FSCN2: variants seen among roughly 807,000 people sequenced by gnomAD.
FSCN2 encodes the protein fascin-2.
A neutral mutation model predicts 37.8 loss-of-function variants in FSCN2; 46 were observed. The observed-to-expected ratio is 1.22, with a 90% CI of 0.96 to 1.56. FSCN2 has a LOEUF of 1.56. Among genes scored for constraint, FSCN2 ranks in the 40% most tolerant of loss-of-function variants. FSCN2 has a pLI of 0.00. For synonymous variants in FSCN2, 351 were observed against 309.4 expected (o/e 1.13, Z -1.41); for missense variants, 844 against 730.4 (o/e 1.16, Z -1.79).
At chr17:81,518,388 TGTACCTGGCATAGC>T in the FSCN2 span, among the ~76,000 whole-genome samples, 4 of 151,910 alleles carry the variant, frequency 2.6e-5, no homozygotes, top group African/African-American at 9.7e-5. Flanking sequence ...GCATAGCCCC[TGTACCTGGCATAGC>T]ACCTGCCCAG....
intron 1 of FSCN2, among the ~76,000 whole-genome samples, chr17:81,531,657 ATGG>A (rs1284605466): frequency 1.3e-4 from 15 of 113,146 alleles, no homozygotes; most frequent in African/African-American, 3.9e-4. Flanking sequence ...GATGATAGTG[ATGG>A]TGATGATGAT....
chr17:81,528,686 C>T lies in FSCN2; in HGVS notation c.155C>T (p.Pro52Leu). The change falls in exon 1 of 5, where the codon CCA becomes CTA. Residue 52 changes from proline to leucine, a missense_variant. Pro to Leu is a moderately conservative substitution (Grantham distance 98). Transcript: ENST00000417245. ...CAGACCTGGGTGCTGGAACCCGACC[C>T]AGGACAAGGCACGGCTGTGCTGCTC... ...RKQTWVLEPD[P>L]GQGTAVLLRS... 6.2e-7 allele frequency: 1 copy of T among 1,601,892 alleles called. No homozygotes were observed. The highest frequency in any genetic ancestry group is 8.5e-7 in the Non-Finnish European group (1 of 1,175,086).
At chr17:81,524,164 G>T (rs978539700), upstream of FSCN2, among the ~76,000 whole-genome samples, 1 of 152,232 alleles carries the variant, frequency 6.6e-6, no homozygotes, top group Non-Finnish European at 1.5e-5. Context: ...ACCAGGTGCC[G>T]GTGGGGGCGC....
the FSCN2 span, among the ~76,000 whole-genome samples, chr17:81,515,484 T>C: frequency 6.6e-6 from 1 of 152,256 alleles, no homozygotes; most frequent in Non-Finnish European, 1.5e-5. Context: ...TCTAGTTCAG[T>C]GCTGGTTTTG....
At chr17:81,534,706 A>G (rs2032793636) in intron 1 of FSCN2, among the ~76,000 whole-genome samples, 1 of 151,796 alleles carries the variant, frequency 6.6e-6, no homozygotes, top group South Asian at 2.1e-4. Flanking sequence ...AGTTATAAAT[A>G]GAGGCTGGGG....
At chr17:81,531,279 GTGATGGTGA>G (rs2032556307) in intron 1 of FSCN2, among the ~76,000 whole-genome samples, 3 of 55,356 alleles carry the variant, frequency 5.4e-5, no homozygotes, top group African/African-American at 2.7e-4. Context: ...GATGGCGGTG[GTGATGGTGA>G]TGGTGGTGAT....
chr17:81,531,336 A>ATGATGG (rs2032567446), intron 1 of FSCN2, among the ~76,000 whole-genome samples: 5 of 45,424 alleles, frequency 1.1e-4, no homozygotes, highest in Non-Finnish European at 2.4e-4. Context: ...GGTGGTGGTG[A>ATGATGG]TGGTGGTGGT....
chr17:81,530,580 G>A (rs2032517565), intron 1 of FSCN2: 1 of 513,546 alleles, frequency 1.9e-6, no homozygotes, highest in Non-Finnish European at 3.9e-6. Flanking sequence ...CCCAACTCAG[G>A]TCCTTCCAGA....
At chr17:81,528,140 G>A (rs1291439501), upstream of FSCN2, among the ~76,000 whole-genome samples, 2 of 152,204 alleles carry the variant, frequency 1.3e-5, no homozygotes, top group Non-Finnish European at 2.9e-5. Context: ...GTGCAGGGCC[G>A]TGAAGAGGGG....
rs782188805 is a variant in FSCN2, at chr17:81,529,070, G to A, written c.539G>A (p.Arg180Gln). The part of the protein sequence containing the change: ...GVDALLTLIF[R>Q]SRRYCLKSCD... ...GACGCCCTCCTCACCCTCATCTTCC[G>A]GAGCCGACGGTACTGCCTCAAGTCC... The change falls in exon 1 of 5, where the codon CGG (arginine) becomes CAG (glutamine). Residue 180 changes from arginine (R) to glutamine (Q), a missense_variant. By Grantham distance (43) the Arg-to-Gln change is conservative. Coordinates refer to ENST00000417245, the MANE Select transcript of FSCN2 (RefSeq NM_012418.4). The A allele has an allele frequency of 2.5e-5, 40 of 1,590,908 alleles. No homozygotes were observed. The East Asian group carries it at 2.7e-4, about 11-fold the overall frequency.
At chr17:81,524,772 C>T (rs1478627805), upstream of FSCN2, among the ~76,000 whole-genome samples, 3 of 152,066 alleles carry the variant, frequency 2.0e-5, no homozygotes, top group African/African-American at 7.2e-5. Flanking sequence ...CCTGGGCTCC[C>T]TGCTGGGCAG....
chr17:81,531,061 G>A (rs1224095890), intron 1 of FSCN2, among the ~76,000 whole-genome samples: 10 of 152,214 alleles, frequency 6.6e-5, no homozygotes, highest in Non-Finnish European at 1.0e-4. Context: ...AGTCATGGCC[G>A]TGGCCGTGGC....
chr17:81,525,425 C>CAAAAAAAAAAAAAAAAAA (rs1202765459), upstream of FSCN2, among the ~76,000 whole-genome samples: 674 of 47,638 alleles, frequency 0.014, 51 homozygotes, highest in African/African-American at 0.023. Flanking sequence ...GACTCTGTCT[C>CAAAAAAAAAAAAAAAAAA]AAAAAAAAAA....
At chr17:81,536,106 C>T (rs1306933340) in intron 2 of FSCN2, 40 bp from the exon 3 acceptor site, 5 of 1,594,788 alleles carry the variant, frequency 3.1e-6, no homozygotes, top group African/African-American at 1.3e-5. Flanking sequence ...GCACCCCCAT[C>T]TCCTGCTGTC....
chr17:81,518,146 A>T, the FSCN2 span, among the ~76,000 whole-genome samples: 2,088 of 150,624 alleles, frequency 0.014, 54 homozygotes, highest in African/African-American at 0.048. Context: ...CTGTCCCTCC[A>T]CTCCTTCAGC....
the FSCN2 span, among the ~76,000 whole-genome samples, chr17:81,522,294 T>C: frequency 6.6e-6 from 1 of 152,146 alleles, no homozygotes; most frequent in Non-Finnish European, 1.5e-5. Flanking sequence ...CCGGCCAAAC[T>C]ATCATACTTT....
intron 1 of FSCN2, among the ~76,000 whole-genome samples, chr17:81,529,795 A>G (rs1377509391): frequency 6.6e-6 from 1 of 151,992 alleles, no homozygotes; most frequent in Admixed American, 6.5e-5. Context: ...TCTCCACCCC[A>G]TTTTCTGGAC....
chr17:81,528,514 G>T lies in FSCN2; in HGVS notation c.-18G>T, dbSNP rs782108628. 6.4e-7 allele frequency: 1 copy of T among 1,564,654 alleles called. No individual in the cohort carries two copies. The highest frequency in any genetic ancestry group is 1.4e-5 in the African/African-American group (1 of 73,824). On this transcript the variant is annotated 5_prime_UTR_variant, in exon 1 of 5. Transcript: ENST00000417245. ...AGGGCGCATCCCAGGCCCCTCCGGGGACCCGGCCAGCCTGAAGATGCCGAC... is the reference window on the plus strand; with the variant it reads ...AGGGCGCATCCCAGGCCCCTCCGGGTACCCGGCCAGCCTGAAGATGCCGAC...
chr17:81,518,253 ACTC>A, the FSCN2 span, among the ~76,000 whole-genome samples: 1 of 151,140 alleles, frequency 6.6e-6, no homozygotes, highest in Non-Finnish European at 1.5e-5. Flanking sequence ...CCTCCCATCA[ACTC>A]CTATTGATTA....
Sources: allele counts gnomAD v4.1 joint callset (sites outside exome capture counted in the v4.1 genomes callset), GRCh38; gene constraint gnomAD v4.1.1; transcripts MANE v1.5; gene names NCBI Gene and HGNC (gene_info 2026-07-23, HGNC 2026-07-21).